The following GABRB3 variants were observed in gnomAD, a reference collection of about 807,000 sequenced individuals.
GABRB3 encodes the protein gamma-aminobutyric acid receptor subunit beta-3.
A neutral mutation model predicts 52.1 loss-of-function variants in GABRB3; 14 were observed. The ratio of observed to expected loss-of-function variants is 0.27; its 90% CI spans 0.18 to 0.42. The LOEUF (loss-of-function observed/expected upper bound fraction) is 0.42. Ranked by LOEUF, GABRB3 falls within the 10% of genes least tolerant of loss-of-function variation. GABRB3 has a pLI of 1.00. For synonymous variants in GABRB3, 260 were observed against 232.3 expected, an observed-to-expected ratio of 1.12 and a Z score of -1.08; for missense variants, 307 against 609.1, an observed-to-expected ratio of 0.50 and a Z score of 5.22.
chr15:26,554,333 C>G (rs1001070518), intron 8 of GABRB3, among the ~76,000 whole-genome samples: 1 of 150,020 alleles, frequency 6.7e-6, no homozygotes, highest in Non-Finnish European at 1.5e-5. Context: ...CTGGCCTAAA[C>G]ACAGTTTTAA....
At chr15:26,693,597 CACA>C (rs1349437741) in intron 3 of GABRB3, among the ~76,000 whole-genome samples, 1 of 152,024 alleles carries the variant, frequency 6.6e-6, no homozygotes, top group Admixed American at 6.6e-5. Context: ...CTCCTGTTCT[CACA>C]ACAAGAAAAA....
At chr15:26,631,685 G>A (rs954820106) in intron 3 of GABRB3, among the ~76,000 whole-genome samples, 3 of 152,068 alleles carry the variant, frequency 2.0e-5, no homozygotes, top group Admixed American at 6.5e-5. Context: ...TGAGGGAATC[G>A]GCACTTTTAT....
At chr15:26,637,004 C>T (rs1893080140) in intron 3 of GABRB3, among the ~76,000 whole-genome samples, 1 of 152,140 alleles carries the variant, frequency 6.6e-6, no homozygotes, top group South Asian at 2.1e-4. Flanking sequence ...TTGGAGCAAC[C>T]AGAATGATTA....
chr15:26,610,007 C>T (rs1020584772), intron 4 of GABRB3, among the ~76,000 whole-genome samples: 9 of 152,132 alleles, frequency 5.9e-5, no homozygotes, highest in Non-Finnish European at 1.0e-4. Context: ...TCAGGTCCTG[C>T]AGACGGTATC....
chr15:26,614,539 A>G (rs1192942697), intron 4 of GABRB3: 1 of 152,188 alleles, frequency 6.6e-6, no homozygotes, highest in African/African-American at 2.4e-5. Flanking sequence ...ATCTGGTAAG[A>G]AATTTATCAA....
chr15:26,692,275 C>G (rs1167360312), intron 3 of GABRB3, among the ~76,000 whole-genome samples: 2 of 152,054 alleles, frequency 1.3e-5, no homozygotes, highest in African/African-American at 4.8e-5. Context: ...GGGTATCCAA[C>G]TGAAATACAC....
At chr15:26,773,074 A>AGCGGAGGAGG (rs1891203348), upstream of GABRB3, 2 of 1,030,564 alleles carry the variant, frequency 1.9e-6, no homozygotes, top group African/African-American at 3.5e-5. Flanking sequence ...GCTGGCCCGG[A>AGCGGAGGAGG]GCGGAGGAGG....
At chr15:26,664,212 G>A (rs1466421913) in intron 3 of GABRB3, among the ~76,000 whole-genome samples, 1 of 152,066 alleles carries the variant, frequency 6.6e-6, no homozygotes, top group Non-Finnish European at 1.5e-5. Context: ...CCAGCTAATT[G>A]ATTTTTAAAT....
rs532593401 is a variant in GABRB3 at position 26,689,442 on chromosome 15, G to A, written c.241-67908C>T. 2.6e-5 allele frequency among the ~76,000 whole-genome samples: 4 copies of A among 152,302 alleles called. No homozygotes were observed. In the South Asian group the frequency reaches 8.3e-4, roughly 32 times the overall value. ...TTCCAGGAAGGGGCAAAAGGAACTG[G>A]AGTTTATGCAGAGTGAGGTGGTCAA... On this transcript the variant is annotated intron_variant, in intron 3 of 8. Coordinates refer to ENST00000311550, the MANE Select transcript of GABRB3 (RefSeq NM_000814.6).
intron 3 of GABRB3, among the ~76,000 whole-genome samples, chr15:26,653,541 C>T (rs1887266203): frequency 6.6e-6 from 1 of 152,176 alleles, no homozygotes; most frequent in African/African-American, 2.4e-5. Context: ...TTTAAACACT[C>T]CAGACTCTGA....
At position 26,546,695 on chromosome 15, in the gene GABRB3, T is replaced by C. The variant is rs1889256054; in HGVS notation, c.*1098A>G. ...GATAACAGAAAGTAGTTACATCACA[T>C]AAAGGAAAATATGACATCGCATGCT... On this transcript the variant is annotated 3_prime_UTR_variant, in exon 9 of 9. Coordinates refer to ENST00000311550, the MANE Select transcript of GABRB3 (RefSeq NM_000814.6). 1 of 152,438 alleles carries C rather than the reference T, an allele frequency of 6.6e-6. No individual in the cohort carries two copies. The highest frequency in any genetic ancestry group is 6.6e-5 in the Admixed American group (1 of 15,260). The allele number at this position is 152,438 out of a possible 1,614,324, so 9.4% of individuals were successfully genotyped here. A position where few individuals can be genotyped will look rare whatever the true frequency, so the allele number is the denominator to read the frequency against.
intron 3 of GABRB3, among the ~76,000 whole-genome samples, chr15:26,644,451 G>A (rs1893296445): frequency 6.6e-6 from 1 of 152,208 alleles, no homozygotes; most frequent in Non-Finnish European, 1.5e-5. Context: ...TCGTGAAGGA[G>A]GAGGCAGAGA....
chr15:26,762,040 C>T (rs777036276), intron 3 of GABRB3, among the ~76,000 whole-genome samples: 7 of 152,036 alleles, frequency 4.6e-5, no homozygotes, highest in Admixed American at 2.0e-4. Flanking sequence ...GCCATGTTGG[C>T]CAGGCTGGTA....
At chr15:26,730,797 A>C (rs1416440068) in intron 3 of GABRB3, among the ~76,000 whole-genome samples, 2 of 152,220 alleles carry the variant, frequency 1.3e-5, no homozygotes, top group African/African-American at 2.4e-5. Flanking sequence ...ATATCGCACG[A>C]ATTGCTCAAT....
intron 8 of GABRB3, among the ~76,000 whole-genome samples, chr15:26,555,371 A>G (rs1401878330): frequency 6.6e-6 from 1 of 152,178 alleles, no homozygotes; most frequent in Non-Finnish European, 1.5e-5. Context: ...ATGAAGACAC[A>G]AGACATCGGG....
chr15:26,596,442 C>A (rs773227823), intron 4 of GABRB3, among the ~76,000 whole-genome samples: 2 of 151,946 alleles, frequency 1.3e-5, no homozygotes, highest in Non-Finnish European at 2.9e-5. Flanking sequence ...ACCTAGAGAC[C>A]CATTAAGTAT....
At chr15:26,756,389 G>A (rs141932232) in intron 3 of GABRB3, among the ~76,000 whole-genome samples, 195 of 149,324 alleles carry the variant, frequency 1.3e-3, no homozygotes, top group African/African-American at 4.7e-3. Context: ...GCAACATGGT[G>A]AAACCCCCTC....
chr15:26,702,709 T>G (rs1219679044), intron 3 of GABRB3, among the ~76,000 whole-genome samples: 1 of 152,204 alleles, frequency 6.6e-6, no homozygotes, highest in East Asian at 1.9e-4. Context: ...CCCCTGAGTA[T>G]TTACCCAAGA....
chr15:26,649,604 G>A (rs1050436838), intron 3 of GABRB3, among the ~76,000 whole-genome samples: 4 of 150,940 alleles, frequency 2.7e-5, no homozygotes, highest in East Asian at 1.9e-4. Context: ...GTGAGCTGAT[G>A]AGGAGAAAGG....
Sources: allele counts gnomAD v4.1 joint callset (sites outside exome capture counted in the v4.1 genomes callset), GRCh38; gene constraint gnomAD v4.1.1; transcripts MANE v1.5; gene names NCBI Gene and HGNC (gene_info 2026-07-23, HGNC 2026-07-21).